Variants in STK33 observed in about 807,000 individuals in gnomAD.
STK33 encodes serine/threonine-protein kinase 33.
STK33 carries 52 observed loss-of-function variants against 58.0 expected under a neutral mutation model. The observed-to-expected ratio is 0.90, with a 90% CI of 0.72 to 1.13. The LOEUF is 1.13. Among genes scored for constraint, STK33 ranks in the 50% most tolerant of loss-of-function variants. STK33 has a pLI of 0.00. For missense variants in STK33, 630 were observed against 604.2 expected, an observed-to-expected ratio of 1.04 and a Z score of -0.45; for synonymous variants, 215 against 200.1, an observed-to-expected ratio of 1.07 and a Z score of -0.63.
At chr11:8,563,210 T>C (rs1052487993) in intron 1 of STK33, among the ~76,000 whole-genome samples, 3 of 152,170 alleles carry the variant, frequency 2.0e-5, no homozygotes, top group Admixed American at 6.5e-5. Flanking sequence ...GGGATACCCA[T>C]AGGCCTTCTG....
intron 1 of STK33, among the ~76,000 whole-genome samples, chr11:8,561,963 C>A (rs1957142315): frequency 6.6e-6 from 1 of 152,098 alleles, no homozygotes; most frequent in Admixed American, 6.6e-5. Context: ...ACCAATTTCT[C>A]CCACAAGGCA....
intron 1 of STK33, among the ~76,000 whole-genome samples, chr11:8,487,441 A>G (rs7925290): frequency 0.29 from 32,804 of 112,494 alleles, 4,468 homozygotes; most frequent in South Asian, 0.39. Context: ...AAAAAAAAAA[A>G]AGAGAGAGAG....
chr11:8,488,923 C>T (rs903352225), intron 1 of STK33, among the ~76,000 whole-genome samples: 20 of 152,020 alleles, frequency 1.3e-4, no homozygotes, highest in Non-Finnish European at 2.2e-4. Flanking sequence ...TTAAATGAAC[C>T]GTTTTAAATA....
At chr11:8,403,543 C>T (rs1230150155) in intron 15 of STK33, among the ~76,000 whole-genome samples, 1 of 152,296 alleles carries the variant, frequency 6.6e-6, no homozygotes, top group African/African-American at 2.4e-5. Flanking sequence ...ACGGTTACAT[C>T]AAGGGCTGCC....
rs547831129 is a variant in STK33 at position 8,444,535 on chromosome 11, A to G, written c.872-3782T>C. 7.0e-4 allele frequency among the ~76,000 whole-genome samples: 106 copies of G among 152,288 alleles called. 1 individual carries two copies. The highest frequency in any genetic ancestry group is 8.9e-4 in the African/African-American group (37 of 41,570). On this transcript the variant is annotated intron_variant, in intron 11 of 15. Coordinates refer to ENST00000687296, the MANE Select transcript of STK33 (RefSeq NM_001352389.2). Reference sequence around the variant, plus strand: ...AAAAAATTTTTTAGAAATGAGTGACATAATTCCTATTATACATATAGAAAC... The same window carrying G: ...AAAAAATTTTTTAGAAATGAGTGACGTAATTCCTATTATACATATAGAAAC...
chr11:8,590,393 T>G (rs2032404180), intron 1 of STK33, among the ~76,000 whole-genome samples: 1 of 150,442 alleles, frequency 6.6e-6, no homozygotes, highest in African/African-American at 2.4e-5. Flanking sequence ...ATGTTTATAA[T>G]AGTCAATATT....
At chr11:8,444,102 A>G (rs1031254204) in intron 11 of STK33, among the ~76,000 whole-genome samples, 1 of 152,200 alleles carries the variant, frequency 6.6e-6, no homozygotes, top group Non-Finnish European at 1.5e-5. Flanking sequence ...AGCAAACCAA[A>G]TAACAATTAG....
chr11:8,467,930 CA>C (rs1948381768), intron 6 of STK33, among the ~76,000 whole-genome samples: 1 of 150,832 alleles, frequency 6.6e-6, no homozygotes, highest in South Asian at 2.1e-4. Context: ...GGTGACAAAG[CA>C]AGACTCCATC....
intron 14 of STK33, among the ~76,000 whole-genome samples, chr11:8,433,371 T>C (rs532712694): frequency 6.6e-6 from 1 of 152,248 alleles, no homozygotes; most frequent in Non-Finnish European, 1.5e-5. Flanking sequence ...AGGTTCTTAA[T>C]GTTTTAGTGC....
chr11:8,584,247 C>T (rs981172600), intron 1 of STK33, among the ~76,000 whole-genome samples: 1 of 152,288 alleles, frequency 6.6e-6, no homozygotes, highest in East Asian at 1.9e-4. Flanking sequence ...TCCCTTCCCA[C>T]CTCTAACCAA....
downstream of STK33, among the ~76,000 whole-genome samples, chr11:8,387,860 G>C (rs921232497): frequency 6.8e-6 from 1 of 146,060 alleles, no homozygotes; most frequent in Admixed American, 7.1e-5. Flanking sequence ...ATTGCTCCTG[G>C]GGATGGAGAC....
intron 14 of STK33, among the ~76,000 whole-genome samples, chr11:8,424,028 T>G (rs1038969878): frequency 1.3e-5 from 2 of 152,030 alleles, no homozygotes; most frequent in African/African-American, 4.8e-5. Context: ...AGGGTACATG[T>G]GCACATTGTG....
chr11:8,532,605 G>C (rs12787407), intron 1 of STK33, among the ~76,000 whole-genome samples: 25,584 of 152,156 alleles, frequency 0.17, 2,643 homozygotes, highest in South Asian at 0.32. Context: ...AAACTAATAT[G>C]ACAAATAGTT....
intron 14 of STK33, among the ~76,000 whole-genome samples, chr11:8,433,500 A>T (rs1207618603): frequency 3.3e-5 from 5 of 152,112 alleles, no homozygotes; most frequent in Admixed American, 1.3e-4. Flanking sequence ...TTATATCTTC[A>T]TCTTAAATCT....
intron 1 of STK33, among the ~76,000 whole-genome samples, chr11:8,591,135 G>A (rs954932106): frequency 2.0e-5 from 3 of 152,188 alleles, no homozygotes; most frequent in African/African-American, 7.2e-5. Context: ...ACAGCCATCA[G>A]TTCAAACAAC....
At chr11:8,566,720 C>T (rs559923540) in intron 1 of STK33, among the ~76,000 whole-genome samples, 1 of 152,290 alleles carries the variant, frequency 6.6e-6, no homozygotes, top group South Asian at 2.1e-4. Flanking sequence ...CAGCATACTT[C>T]TTTAATTTAG....
chr11:8,402,185 T>C (rs1938147389), intron 15 of STK33, among the ~76,000 whole-genome samples: 1 of 152,224 alleles, frequency 6.6e-6, no homozygotes. Context: ...ATTGCGGCAC[T>C]ATTCACAATA....
At chr11:8,544,089 C>T (rs553220637) in intron 1 of STK33, among the ~76,000 whole-genome samples, 27 of 151,850 alleles carry the variant, frequency 1.8e-4, no homozygotes, top group African/African-American at 6.0e-4. Flanking sequence ...TATACATGTG[C>T]CATGGTGGTT....
the STK33 span, among the ~76,000 whole-genome samples, chr11:8,360,627 G>C: frequency 1.3e-5 from 2 of 152,208 alleles, no homozygotes; most frequent in Non-Finnish European, 2.9e-5. Flanking sequence ...CTGGAGCTGG[G>C]GCTCCTCTTC....
Sources: allele counts gnomAD v4.1 joint callset (sites outside exome capture counted in the v4.1 genomes callset), GRCh38; gene constraint gnomAD v4.1.1; transcripts MANE v1.5; gene names NCBI Gene and HGNC (gene_info 2026-07-23, HGNC 2026-07-21).